The following UNC5A variants were observed in gnomAD, a reference collection of about 807,000 sequenced individuals.
The protein encoded by UNC5A is unc-5 netrin receptor A, also known as netrin receptor UNC5A.
A neutral mutation model predicts 87.4 loss-of-function variants in UNC5A; 20 were observed. The observed-to-expected ratio is 0.23, with a 90% confidence interval of 0.16 to 0.33. The LOEUF (loss-of-function observed/expected upper bound fraction) is 0.33, where lower values mean the gene tolerates loss of function less well. UNC5A is among the 10% of genes least tolerant of loss of function. The pLI is 1.00. For missense variants in UNC5A, 844 were observed against 1,133.4 expected, an observed-to-expected ratio of 0.74 and a Z score of 3.67; for synonymous variants, 438 against 482.3, an observed-to-expected ratio of 0.91 and a Z score of 1.20.
chr5:176,870,523 T>A lies in UNC5A; in HGVS notation c.875T>A (p.Leu292His). 6.3e-7 allele frequency: 1 copy of A among 1,597,826 alleles called. No homozygotes were observed. ...DLDTRNCTSD[L>H]CVHTASGPED... ...GACACCCGCAACTGTACCAGTGACC[T>A]CTGTGTACACAGTGAGTCCTCTCTG... Residue 292 changes from leucine (L) to histidine (H), a missense_variant, in exon 6 of 15, where the codon CTC (leucine) becomes CAC (histidine). This residue lies in a region of UNC5A where 314 missense variants were observed against 466.5 expected (regional missense o/e 0.67). Coordinates refer to ENST00000329542, the MANE Select transcript of UNC5A (RefSeq NM_133369.3).
chr5:176,873,698 C>T (rs934507107), intron 6 of UNC5A, among the ~76,000 whole-genome samples: 3 of 152,182 alleles, frequency 2.0e-5, no homozygotes, highest in African/African-American at 7.2e-5. Context: ...GTAGCTCTTC[C>T]CCTCCTGCAT....
At chr5:176,859,514 A>G (rs201154404) in intron 1 of UNC5A, among the ~76,000 whole-genome samples, 18,622 of 52,592 alleles carry the variant, frequency 0.35, 2,414 homozygotes, top group Non-Finnish European at 0.51. Flanking sequence ...TAGAGGGCAT[A>G]GCTGCTAGAA....
intron 1 of UNC5A, among the ~76,000 whole-genome samples, chr5:176,819,383 C>T (rs187170629): frequency 1.4e-5 from 2 of 146,248 alleles, no homozygotes; most frequent in African/African-American, 5.6e-5. Context: ...AAAAGGAAAA[C>T]GAAGAAGAAG....
chr5:176,821,638 G>T (rs1442405467), intron 1 of UNC5A, among the ~76,000 whole-genome samples: 1 of 152,222 alleles, frequency 6.6e-6, no homozygotes, highest in African/African-American at 2.4e-5. Context: ...TCCCACCACA[G>T]CCTATATCAA....
intron 1 of UNC5A, among the ~76,000 whole-genome samples, chr5:176,856,703 T>TAA (rs1757676094): frequency 6.6e-6 from 1 of 151,994 alleles, no homozygotes. Flanking sequence ...GTGGAGCAGG[T>TAA]CCACCACAGT....
At chr5:176,847,150 C>T (rs1270408696) in intron 1 of UNC5A, among the ~76,000 whole-genome samples, 1 of 152,158 alleles carries the variant, frequency 6.6e-6, no homozygotes, top group Admixed American at 6.5e-5. Context: ...TGAAGTCGGG[C>T]GCCGGCTGAT....
chr5:176,851,744 A>C (rs1233384038), intron 1 of UNC5A, among the ~76,000 whole-genome samples: 2 of 151,792 alleles, frequency 1.3e-5, no homozygotes, highest in Non-Finnish European at 2.9e-5. Flanking sequence ...GCAGAGTGGC[A>C]CTCCTAGTTG....
At chr5:176,837,280 C>T (rs981313167) in intron 1 of UNC5A, among the ~76,000 whole-genome samples, 3 of 152,246 alleles carry the variant, frequency 2.0e-5, no homozygotes, top group Admixed American at 2.0e-4. Flanking sequence ...CCTCTGTGTA[C>T]TGTCTTCTAG....
chr5:176,873,901 A>C (rs1202717857), intron 6 of UNC5A, 67 bp from the exon 7 acceptor site: 8 of 1,539,896 alleles, frequency 5.2e-6, no homozygotes, highest in Non-Finnish European at 7.0e-6. Context: ...TGGGGTGCAG[A>C]CCACTGACCT....
At chr5:176,835,729 A>ATGTGTGTGTGTGTGTGTG (rs55990257) in intron 1 of UNC5A, among the ~76,000 whole-genome samples, 6 of 145,394 alleles carry the variant, frequency 4.1e-5, no homozygotes, top group African/African-American at 1.6e-4. Context: ...TTGATAAAGG[A>ATGTGTGTGTGTGTGTGTG]TGTGTGTGTG....
rs772114988 is a variant in UNC5A at position 176,865,513 on chromosome 5, G to C, written c.293-2617G>C. 2.2e-6 allele frequency: 1 copy of C among 447,510 alleles called. No homozygotes were observed. Among genetic ancestry groups the C allele is most frequent in the Non-Finnish European group, 4.5e-6 (1 of 220,866 alleles). The allele number at this position is 447,510 out of a possible 1,614,324, so 27.7% of individuals were successfully genotyped here. A position where few individuals can be genotyped will look rare whatever the true frequency, so the allele number is the denominator to read the frequency against. On this transcript the variant is annotated intron_variant, in intron 2 of 14. Coordinates refer to ENST00000329542, the MANE Select transcript of UNC5A (RefSeq NM_133369.3). The surrounding 1 kb of genome is among the most constrained non-coding windows in gnomAD (Gnocchi z 5.3). ...ACACGTCCCACCCGTAACCGCCAGG[G>C]TCCTCTTCTGCCCCGAGCATCCGAC...
At chr5:176,863,708 TCTC>T (rs1757897566) in intron 2 of UNC5A, among the ~76,000 whole-genome samples, 1 of 127,524 alleles carries the variant, frequency 7.8e-6, no homozygotes, top group Non-Finnish European at 1.7e-5. Flanking sequence ...AACAACAGCT[TCTC>T]CTCCTCCCCC....
intron 1 of UNC5A, among the ~76,000 whole-genome samples, chr5:176,815,694 C>G (rs1756570316): frequency 6.6e-6 from 1 of 152,198 alleles, no homozygotes; most frequent in African/African-American, 2.4e-5. Flanking sequence ...GGGACTTAAG[C>G]CGCATCAGGG....
chr5:176,862,321 T>A (rs1400383308), intron 1 of UNC5A, among the ~76,000 whole-genome samples: 2 of 152,216 alleles, frequency 1.3e-5, no homozygotes, highest in African/African-American at 4.8e-5. Flanking sequence ...GCCAGATCCC[T>A]GGACTTCTAG....
chr5:176,821,257 T>C (rs1371019483), intron 1 of UNC5A, among the ~76,000 whole-genome samples: 1 of 152,220 alleles, frequency 6.6e-6, no homozygotes, highest in Non-Finnish European at 1.5e-5. Context: ...GGCTTGTCCT[T>C]GGTTTCGGGC....
intron 1 of UNC5A, among the ~76,000 whole-genome samples, chr5:176,822,231 G>A (rs761277560): frequency 5.3e-5 from 8 of 152,256 alleles, no homozygotes; most frequent in East Asian, 3.8e-4. Flanking sequence ...CCCGCGGGGC[G>A]GGGGATGCTC....
chr5:176,839,117 G>T (rs1757209300), intron 1 of UNC5A, among the ~76,000 whole-genome samples: 1 of 152,178 alleles, frequency 6.6e-6, no homozygotes, highest in Non-Finnish European at 1.5e-5. Context: ...AGCTACTGAT[G>T]CCCTGTGCCA....
intron 1 of UNC5A, among the ~76,000 whole-genome samples, chr5:176,851,641 G>A (rs1479156686): frequency 6.6e-6 from 1 of 152,240 alleles, no homozygotes; most frequent in Non-Finnish European, 1.5e-5. Flanking sequence ...AGCCTCTGAG[G>A]GAGCTCTGTG....
At chr5:176,835,353 C>T (rs1010271871) in intron 1 of UNC5A, among the ~76,000 whole-genome samples, 1 of 152,252 alleles carries the variant, frequency 6.6e-6, no homozygotes, top group East Asian at 1.9e-4. Context: ...GCCGCTTGCC[C>T]AGTCCAGTGT....
Sources: allele counts gnomAD v4.1 joint callset (sites outside exome capture counted in the v4.1 genomes callset), GRCh38; gene constraint gnomAD v4.1.1; regional missense constraint gnomAD v4.1.1; non-coding constraint Gnocchi (gnomAD v3.1); transcripts MANE v1.5; gene names NCBI Gene and HGNC (gene_info 2026-07-23, HGNC 2026-07-21).